The following ATRX variants were observed in gnomAD, a reference collection of about 807,000 sequenced individuals.
ATRX encodes chromatin remodeler ATRX.
A neutral mutation model predicts 172.6 loss-of-function variants in ATRX; 12 were observed. The ratio of observed to expected loss-of-function variants is 0.07; its 90% CI spans 0.04 to 0.11. The LOEUF (loss-of-function observed/expected upper bound fraction) is 0.11. Ranked by LOEUF, ATRX falls within the 10% of genes least tolerant of loss-of-function variation. The pLI is 1.00. For missense variants in ATRX, 1,368 were observed against 1,767.4 expected (o/e 0.77, Z 4.05); for synonymous variants, 674 against 594.7 (o/e 1.13, Z -1.94).
rs907145475 is a variant in ATRX at position 77,652,410 on chromosome X, T to A, written c.4318-57A>T. On this transcript the variant is annotated intron_variant, in intron 14 of 34. Transcript: ENST00000373344. Reference sequence around the variant, plus strand: ...TACAAAGTCATTTAATTTATCCATTTCATATTCCATTAATTAACACAGCAG... The same window carrying A: ...TACAAAGTCATTTAATTTATCCATTACATATTCCATTAATTAACACAGCAG... The A allele has an allele frequency of 4.5e-6, 5 of 1,119,507 alleles. No individual in the cohort carries two copies. In the African/African-American group the frequency reaches 9.2e-5, roughly 21 times the overall value. The allele number at this position is 1,119,507 out of a possible 1,213,427, so 92.3% of individuals were successfully genotyped here.
At chrX:77,556,008 A>C (rs1364741242) in intron 30 of ATRX, among the ~76,000 whole-genome samples, 1 of 107,081 alleles carries the variant, frequency 9.3e-6, no homozygotes, top group African/African-American at 3.4e-5. Flanking sequence ...CCCCATCTCT[A>C]CTAAAAATAG....
intron 28 of ATRX, among the ~76,000 whole-genome samples, chrX:77,565,482 T>C (rs1488544128): frequency 8.9e-6 from 1 of 111,895 alleles, no homozygotes; most frequent in African/African-American, 3.3e-5. Flanking sequence ...AAATGCCTCA[T>C]AAGCAATTAT....
chrX:77,537,464 T>C (rs2063789468), intron 30 of ATRX, among the ~76,000 whole-genome samples: 2 of 111,293 alleles, frequency 1.8e-5, no homozygotes, highest in Non-Finnish European at 3.8e-5. Flanking sequence ...TCTACTGGTG[T>C]TATTTACCAC....
chrX:77,549,693 C>G (rs2064393355), intron 30 of ATRX, among the ~76,000 whole-genome samples: 1 of 112,285 alleles, frequency 8.9e-6, no homozygotes, highest in South Asian at 3.6e-4. Flanking sequence ...TAAAAAGATG[C>G]ACAGATACTT....
At position 77,683,313 on chromosome X, in the gene ATRX, AAAAGTAATG is replaced by A. The variant is rs1168190818; in HGVS notation, c.1934_1942del (p.Ser645_Leu647del). On this transcript the variant is annotated inframe_deletion, in exon 9 of 35. Transcript: ENST00000373344. ...GGATCTTCGAAGATCAGATTCCTCT[AAAAGTAATG>A]AAACTTCATTTTCAACCAAATGCTC... The A allele has an allele frequency of 1.7e-6, 2 of 1,208,611 alleles. No homozygotes were observed. Among genetic ancestry groups the A allele is most frequent in the Non-Finnish European group, 2.2e-6 (2 of 894,436 alleles).
intron 28 of ATRX, among the ~76,000 whole-genome samples, chrX:77,570,333 C>T (rs1245047996): frequency 9.2e-6 from 1 of 108,941 alleles, no homozygotes; most frequent in Non-Finnish European, 1.9e-5. Flanking sequence ...TGTGCATCAC[C>T]ATGCCTGGGT....
intron 34 of ATRX, among the ~76,000 whole-genome samples, chrX:77,510,004 T>C (rs998602291): frequency 1.5e-4 from 16 of 108,728 alleles, no homozygotes; most frequent in African/African-American, 4.8e-4. Flanking sequence ...GCAGCACAGC[T>C]CACAGCTCCA....
rs1185715515 is a variant in ATRX at position 77,718,309 on chromosome X, T to G, written c.21-1066A>C. ...AGATGAACAAAAAATACAACAGGAC[T>G]TGCAAGAGCTCCATCGCCCAGGGAA... On this transcript the variant is annotated intron_variant, in intron 1 of 34. Transcript: ENST00000373344. Among the ~76,000 whole-genome samples, 5 of 108,957 alleles carry G rather than the reference T, an allele frequency of 4.6e-5. No individual in the cohort carries two copies. In the Admixed American group the frequency reaches 5.1e-4, roughly 11 times the overall value. 94.6% of individuals were successfully genotyped at this position (108,957 alleles called of 115,157 possible). A position where few individuals can be genotyped will look rare whatever the true frequency, so the allele number is the denominator to read the frequency against.
Position 77,683,585 on chromosome X carries a change from C to A in ATRX, c.1671G>T (p.Glu557Asp), listed in dbSNP as rs376761153. Residue 557 changes from glutamate (E) to aspartate (D), a missense_variant, in exon 9 of 35, where the codon GAG becomes GAT. Physicochemically the swap from Glu to Asp is conservative, Grantham distance 45. Coordinates refer to ENST00000373344, the MANE Select transcript of ATRX (RefSeq NM_000489.6). ...DGSSGTEQEV[E>D]SSSVKLNISS... ...AAATATTTAATTTTACAGATGAACT[C>A]TCCACTTCTTGTTCAGTTCCACTGC... 14 of 1,211,345 alleles carry A rather than the reference C, an allele frequency of 1.2e-5. No individual in the cohort carries two copies. The highest frequency in any genetic ancestry group is 3.0e-5 in the East Asian group (1 of 33,847).
chrX:77,771,350 G>A (rs1333085650), intron 1 of ATRX, among the ~76,000 whole-genome samples: 2 of 107,304 alleles, frequency 1.9e-5, no homozygotes, highest in Non-Finnish European at 3.8e-5. Flanking sequence ...CTCCAGCCTG[G>A]GTGACAGGGC....
At chrX:77,574,962 G>A (rs2065558726) in intron 27 of ATRX, among the ~76,000 whole-genome samples, 1 of 108,196 alleles carries the variant, frequency 9.2e-6, no homozygotes, top group Admixed American at 9.9e-5. Context: ...TAGACAGTGA[G>A]TTTAAGTTTT....
At chrX:77,764,789 A>G (rs1557194551) in intron 1 of ATRX, among the ~76,000 whole-genome samples, 1 of 112,416 alleles carries the variant, frequency 8.9e-6, no homozygotes, top group African/African-American at 3.2e-5. Context: ...TAAAACAGTC[A>G]AAACTACAGA....
chrX:77,524,449 A>C (rs1331683489), intron 30 of ATRX, among the ~76,000 whole-genome samples: 1 of 111,738 alleles, frequency 8.9e-6, no homozygotes, highest in African/African-American at 3.3e-5. Flanking sequence ...TTTTGCATAG[A>C]CAAAGCCCAC....
At chrX:77,589,456 T>C (rs1456744400) in intron 27 of ATRX, among the ~76,000 whole-genome samples, 10 of 111,603 alleles carry the variant, frequency 9.0e-5, no homozygotes, top group Non-Finnish European at 1.9e-4. Flanking sequence ...AACCAAAAAG[T>C]TTTAATTTAT....
intron 30 of ATRX, among the ~76,000 whole-genome samples, chrX:77,534,968 A>G (rs782190564): frequency 9.0e-6 from 1 of 111,704 alleles, no homozygotes; most frequent in South Asian, 3.7e-4. Context: ...GAGTTTTGTA[A>G]TATCTGGAAA....
At chrX:77,636,826 CAGGAAGG>C (rs1405785244) in intron 15 of ATRX, among the ~76,000 whole-genome samples, 1 of 78,325 alleles carries the variant, frequency 1.3e-5, no homozygotes, top group Non-Finnish European at 2.4e-5. Flanking sequence ...GAGGAGGAAG[CAGGAAGG>C]AGGAAGGAGG....
rs1443695066 is a variant in ATRX at position 77,682,569 on chromosome X, T to C, written c.2687A>G (p.Asp896Gly). The stretch of plus-strand genomic sequence containing the variant: ...TAATTCCATGATGGTCGTGTCTTTA[T>C]CAACTGTGCCTTCTGCTGAAGAGAA... ...ETFSSAEGTV[D>G]KDTTIMELRD... Residue 896 changes from aspartate (D) to glycine (G), a missense_variant, in exon 9 of 35, where the codon GAT becomes GGT. This residue lies in a region of ATRX where 843 missense variants were observed against 643.1 expected (regional missense o/e 1.31). Transcript: ENST00000373344. 4 of 1,211,311 alleles carry C rather than the reference T, an allele frequency of 3.3e-6. No homozygotes were observed. Among genetic ancestry groups the C allele is most frequent in the Non-Finnish European group, 4.5e-6 (4 of 895,273 alleles).
At chrX:77,772,140 C>CA (rs1376232209) in intron 1 of ATRX, among the ~76,000 whole-genome samples, 5 of 108,479 alleles carry the variant, frequency 4.6e-5, no homozygotes, top group Non-Finnish European at 7.7e-5. Flanking sequence ...ACTAAAACTA[C>CA]AAAAAAAATT....
chrX:77,567,369 T>G (rs1306892883), intron 28 of ATRX, among the ~76,000 whole-genome samples: 1 of 111,369 alleles, frequency 9.0e-6, no homozygotes, highest in Admixed American at 9.6e-5. Flanking sequence ...GAAACTCACT[T>G]CAAATACAAC....
Sources: allele counts gnomAD v4.1 joint callset (sites outside exome capture counted in the v4.1 genomes callset), GRCh38; gene constraint gnomAD v4.1.1; regional missense constraint gnomAD v4.1.1; transcripts MANE v1.5; gene names NCBI Gene and HGNC (gene_info 2026-07-23, HGNC 2026-07-21).